Variants in DTNB observed in about 807,000 individuals in gnomAD.
The protein encoded by DTNB is DTN-B.
In DTNB, 63 loss-of-function variants were observed where a neutral mutation model predicts 90.7. The observed-to-expected ratio is 0.69, with a 90% CI of 0.57 to 0.86. The LOEUF is 0.86. Among genes scored for constraint, DTNB ranks in the 40% least tolerant of loss-of-function variants. The pLI, the probability that DTNB is intolerant of heterozygous loss-of-function variation, is 0.00. For synonymous variants in DTNB, 277 were observed against 286.7 expected (o/e 0.97, Z 0.34); for missense variants, 744 against 807.1 (o/e 0.92, Z 0.95).
At chr2:25,396,651 A>C (rs888607185) in intron 16 of DTNB, among the ~76,000 whole-genome samples, 1 of 150,332 alleles carries the variant, frequency 6.7e-6, no homozygotes, top group Non-Finnish European at 1.5e-5. Context: ...CTCAGAAATC[A>C]CTAAAGAACT....
intron 10 of DTNB, among the ~76,000 whole-genome samples, chr2:25,456,700 G>C (rs1349226030): frequency 6.6e-6 from 1 of 152,098 alleles, no homozygotes; most frequent in African/African-American, 2.4e-5. Flanking sequence ...AGCCTCCCAA[G>C]TAGCTGGGAT....
At chr2:25,379,608 T>C in intron 19 of DTNB, 1 of 363,810 alleles carries the variant, frequency 2.7e-6, no homozygotes, top group Non-Finnish European at 4.9e-6. Context: ...AGCAGTTACA[T>C]GAGGGGGGCA....
intron 8 of DTNB, among the ~76,000 whole-genome samples, chr2:25,557,041 C>T (rs1287756032): frequency 6.6e-6 from 1 of 152,168 alleles, no homozygotes; most frequent in East Asian, 1.9e-4. Context: ...ATACAGACAG[C>T]AGACAGTTCT....
intron 6 of DTNB, among the ~76,000 whole-genome samples, chr2:25,588,410 G>A (rs532287465): frequency 4.0e-5 from 6 of 151,176 alleles, no homozygotes; most frequent in African/African-American, 1.5e-4. Flanking sequence ...TCTATTGCCA[G>A]GCTGGAGTGC....
In DTNB at chr2:25,388,314, G is replaced by A; in HGVS notation, c.1623C>T (p.Gly541=). 1 of 1,613,192 alleles carries A rather than the reference G, an allele frequency of 6.2e-7. No homozygotes were observed. Among genetic ancestry groups the A allele is most frequent in the Non-Finnish European group, 8.5e-7 (1 of 1,179,466 alleles). The stretch of plus-strand genomic sequence containing the variant: ...AGCGCACTGGCATGGGCATTGGCCG[G>A]CCGCCTCCATGGGTGGGCGATGTAT... ...SPHTSPTHGG[G]RPMPMPVRST... The change falls in exon 17 of 21, where the codon GGC becomes GGT. Residue 541 remains glycine (G), a synonymous_variant. Transcript: ENST00000406818.
intron 12 of DTNB, among the ~76,000 whole-genome samples, chr2:25,449,977 T>G (rs967798220): frequency 2.0e-5 from 3 of 152,140 alleles, no homozygotes; most frequent in Non-Finnish European, 2.9e-5. Context: ...TTAGCCAGGA[T>G]AGTCTCGATC....
intron 1 of DTNB, among the ~76,000 whole-genome samples, chr2:25,664,061 A>C (rs980894741): frequency 2.6e-5 from 4 of 152,224 alleles, no homozygotes; most frequent in African/African-American, 7.2e-5. Flanking sequence ...ATCTCAATTT[A>C]TAAGATTAGC....
At chr2:25,628,989 G>T (rs140125731) in intron 3 of DTNB, among the ~76,000 whole-genome samples, 1 of 152,024 alleles carries the variant, frequency 6.6e-6, no homozygotes, top group Non-Finnish European at 1.5e-5. Context: ...AAGTAGGCGC[G>T]GTAGCTGGGT....
chr2:25,662,060 G>A lies in DTNB; in HGVS notation c.-1-9399C>T, dbSNP rs150981866. Reference sequence around the variant, plus strand: ...AGTCCCAGCTACTCGGGAGGCTGAGGCAGGAGAACTGCTTGAACCCAGGAG... The same window carrying A: ...AGTCCCAGCTACTCGGGAGGCTGAGACAGGAGAACTGCTTGAACCCAGGAG... On this transcript the variant is annotated intron_variant, in intron 1 of 20. Transcript: ENST00000406818. Among the ~76,000 whole-genome samples, 418 of 152,098 alleles carry A rather than the reference G, an allele frequency of 2.7e-3. 9 individuals are homozygous for A. In the East Asian group the frequency reaches 0.036, roughly 13 times the overall value.
intron 5 of DTNB, among the ~76,000 whole-genome samples, chr2:25,606,053 T>C (rs1242125372): frequency 6.6e-6 from 1 of 152,176 alleles, no homozygotes; most frequent in Non-Finnish European, 1.5e-5. Context: ...CTATATCTAA[T>C]GGGCCATCTA....
chr2:25,445,437 C>T (rs895308832), intron 12 of DTNB, among the ~76,000 whole-genome samples: 2 of 152,138 alleles, frequency 1.3e-5, no homozygotes, highest in Non-Finnish European at 2.9e-5. Flanking sequence ...GAAATCTAAA[C>T]AAACTCAAAG....
At position 25,551,103 on chromosome 2, in the gene DTNB, T is replaced by A. The variant is rs114098522; in HGVS notation, c.877-19506A>T. Among the ~76,000 whole-genome samples the A allele has an allele frequency of 3.3e-5, 5 of 152,218 alleles. No individual in the cohort carries two copies. The East Asian group carries it at 5.8e-4, about 18-fold the overall frequency. On this transcript the variant is annotated intron_variant, in intron 8 of 20. Transcript: ENST00000406818. Reference sequence around the variant, plus strand: ...CTTGATGCTGAGTTTTGGAAGAACTTCTTCTCACCCTGATCTTTTAGTTAA... The same window carrying A: ...CTTGATGCTGAGTTTTGGAAGAACTACTTCTCACCCTGATCTTTTAGTTAA...
intron 15 of DTNB, 64 bp from the exon 16 acceptor site, chr2:25,419,599 T>C (rs1199797097): frequency 1.3e-6 from 2 of 1,539,840 alleles, no homozygotes; most frequent in Non-Finnish European, 1.8e-6. Context: ...TGCCCATTAA[T>C]GCCCATCACC....
intron 4 of DTNB, among the ~76,000 whole-genome samples, chr2:25,626,568 C>G (rs763572144): frequency 5.3e-5 from 8 of 152,036 alleles, no homozygotes; most frequent in Admixed American, 1.3e-4. Context: ...GTTAGACCAG[C>G]CTGGGAAACA....
intron 5 of DTNB, among the ~76,000 whole-genome samples, chr2:25,604,463 G>A (rs1172684706): frequency 2.6e-5 from 4 of 151,796 alleles, no homozygotes; most frequent in African/African-American, 9.7e-5. Flanking sequence ...CTGCAGTGCA[G>A]TGACATGACC....
intron 5 of DTNB, among the ~76,000 whole-genome samples, chr2:25,599,825 T>G (rs932743249): frequency 2.0e-5 from 3 of 152,136 alleles, no homozygotes; most frequent in African/African-American, 7.2e-5. Context: ...TCAGGCGTGG[T>G]GGCTCACACC....
chr2:25,622,812 C>G (rs935747694), intron 4 of DTNB, among the ~76,000 whole-genome samples: 1 of 151,878 alleles, frequency 6.6e-6, no homozygotes. Context: ...ACAAATGGAC[C>G]AAGAATTTAA....
intron 16 of DTNB, among the ~76,000 whole-genome samples, chr2:25,397,397 A>T (rs1225561587): frequency 6.6e-6 from 1 of 151,836 alleles, no homozygotes; most frequent in Non-Finnish European, 1.5e-5. Flanking sequence ...CAGTCACAGA[A>T]GCCAGTCACA....
intron 1 of DTNB, among the ~76,000 whole-genome samples, chr2:25,670,673 C>T (rs2085627092): frequency 6.6e-6 from 1 of 152,150 alleles, no homozygotes; most frequent in Non-Finnish European, 1.5e-5. Flanking sequence ...CAACTAGGTG[C>T]CACAGCTCTG....
Sources: gnomAD v4.1 joint callset for allele counts (sites outside exome capture counted in the v4.1 genomes callset) on GRCh38, gnomAD v4.1.1 for gene constraint, MANE v1.5 for transcripts, NCBI Gene and HGNC (gene_info 2026-07-23, HGNC 2026-07-21) for gene names.